DEPTOR: variants seen among roughly 807,000 people sequenced by gnomAD.
The protein encoded by DEPTOR is DEP domain-containing mTOR-interacting protein.
A neutral mutation model predicts 41.6 loss-of-function variants in DEPTOR; 41 were observed. The observed-to-expected ratio is 0.98, with a 90% CI of 0.77 to 1.28. DEPTOR has a LOEUF of 1.28. DEPTOR is among the 50% of genes most tolerant of loss of function. The pLI, the probability that DEPTOR is intolerant of heterozygous loss-of-function variation, is 0.00. For missense variants in DEPTOR, 514 were observed against 527.9 expected (o/e 0.97, Z 0.26); for synonymous variants, 195 against 192.3 (o/e 1.01, Z -0.12).
chr8:119,935,711 A>G (rs1828102808), intron 3 of DEPTOR, among the ~76,000 whole-genome samples: 1 of 150,200 alleles, frequency 6.7e-6, no homozygotes, highest in African/African-American at 2.5e-5. Context: ...GCAGAGCAAG[A>G]CTCCATCTCA....
At chr8:119,942,397 G>A (rs562155593) in intron 3 of DEPTOR, among the ~76,000 whole-genome samples, 1 of 152,274 alleles carries the variant, frequency 6.6e-6, no homozygotes, top group African/African-American at 2.4e-5. Context: ...GTAGAGACGG[G>A]GTTTCGCAGT....
chr8:119,931,045 C>G (rs1828036788), intron 3 of DEPTOR, among the ~76,000 whole-genome samples: 2 of 152,070 alleles, frequency 1.3e-5, no homozygotes, highest in Admixed American at 6.5e-5. Flanking sequence ...AAGCCCGTCT[C>G]CACTAAAAAT....
chr8:120,032,254 T>C (rs1812903448), intron 8 of DEPTOR, among the ~76,000 whole-genome samples: 1 of 142,514 alleles, frequency 7.0e-6, no homozygotes, highest in African/African-American at 2.7e-5. Context: ...AGTCTTGCTC[T>C]GTCACCCAGG....
intron 4 of DEPTOR, among the ~76,000 whole-genome samples, chr8:119,972,292 G>T (rs756209278): frequency 6.6e-6 from 1 of 152,120 alleles, no homozygotes; most frequent in Non-Finnish European, 1.5e-5. Context: ...TGTCAGTTAG[G>T]TATCATAATC....
intron 1 of DEPTOR, among the ~76,000 whole-genome samples, chr8:119,888,365 C>T (rs969197214): frequency 6.6e-6 from 1 of 152,106 alleles, no homozygotes; most frequent in Non-Finnish European, 1.5e-5. Context: ...TCCTCCCCTG[C>T]CTTTAGCTCT....
At chr8:120,010,282 T>G (rs1016679290) in intron 8 of DEPTOR, among the ~76,000 whole-genome samples, 5 of 148,574 alleles carry the variant, frequency 3.4e-5, no homozygotes, top group Non-Finnish European at 7.4e-5. Context: ...TATGGAAGAT[T>G]TTTGAAAATA....
chr8:119,925,671 C>G (rs1009421815), intron 1 of DEPTOR, among the ~76,000 whole-genome samples: 1 of 152,110 alleles, frequency 6.6e-6, no homozygotes. Flanking sequence ...GTTGCCCAGG[C>G]TGGAGTGCAG....
chr8:119,918,529 C>T (rs35006524), intron 1 of DEPTOR, among the ~76,000 whole-genome samples: 75,690 of 151,724 alleles, frequency 0.5, 20,567 homozygotes, highest in East Asian at 0.92. Context: ...GGCACAATCT[C>T]GGCTCACTGC....
rs540139342 is a variant in DEPTOR at position 120,031,294 on chromosome 8, G to A, written c.1102-18282G>A. Among the ~76,000 whole-genome samples the A allele has an allele frequency of 1.4e-4, 22 of 152,102 alleles. No homozygotes were observed. The South Asian group carries it at 4.2e-3, about 29-fold the overall frequency. On this transcript the variant is annotated intron_variant, in intron 8 of 8. Transcript: ENST00000286234. ...CCAGCCTAGGCAACATGGTGAAACC[G>A]TCTCTACTAAAAATTCAAAAATTAG...
intron 8 of DEPTOR, among the ~76,000 whole-genome samples, chr8:120,030,937 G>T (rs575862109): frequency 6.6e-6 from 1 of 152,048 alleles, no homozygotes; most frequent in African/African-American, 2.4e-5. Context: ...GATAATGGGG[G>T]ATACCGTGCC....
intron 3 of DEPTOR, among the ~76,000 whole-genome samples, chr8:119,954,939 A>G (rs1192498045): frequency 6.6e-6 from 1 of 151,856 alleles, no homozygotes; most frequent in Non-Finnish European, 1.5e-5. Flanking sequence ...GCTCACTGGA[A>G]CCTCCGTCTC....
At chr8:119,953,623 T>C (rs1055388128) in intron 3 of DEPTOR, among the ~76,000 whole-genome samples, 39 of 150,580 alleles carry the variant, frequency 2.6e-4, no homozygotes, top group African/African-American at 7.6e-4. Context: ...AGAAATATGA[T>C]TGGACAAAAA....
intron 3 of DEPTOR, among the ~76,000 whole-genome samples, chr8:119,963,871 T>G (rs1018241259): frequency 1.3e-5 from 2 of 152,178 alleles, no homozygotes; most frequent in Non-Finnish European, 2.9e-5. Context: ...TGTAGTCGTC[T>G]TAGTTCAGGC....
chr8:119,918,965 GTA>G (rs1338892044), intron 1 of DEPTOR, among the ~76,000 whole-genome samples: 413 of 86,174 alleles, frequency 4.8e-3, no homozygotes, highest in African/African-American at 0.017. Flanking sequence ...GTGTGTGTGT[GTA>G]TGTGTATGTG....
chr8:119,894,664 A>G (rs10090335), intron 1 of DEPTOR, among the ~76,000 whole-genome samples: 74,752 of 151,280 alleles, frequency 0.49, 20,109 homozygotes, highest in East Asian at 0.92. Context: ...CCAAAGTGCT[A>G]AGATTACAGG....
At chr8:119,957,279 A>C (rs1828429622) in intron 3 of DEPTOR, among the ~76,000 whole-genome samples, 1 of 152,080 alleles carries the variant, frequency 6.6e-6, no homozygotes, top group Non-Finnish European at 1.5e-5. Context: ...CTTTTTGAAA[A>C]CCTACTGTGC....
At chr8:120,001,392 G>A (rs1812348032) in intron 4 of DEPTOR, 133 bp from the exon 5 acceptor site, 1 of 742,990 alleles carries the variant, frequency 1.3e-6, no homozygotes, top group Non-Finnish European at 2.0e-6. Context: ...ATGGGCGGCA[G>A]CTCATGTGGC....
intron 3 of DEPTOR, among the ~76,000 whole-genome samples, chr8:119,950,494 C>T (rs565581656): frequency 2.0e-3 from 300 of 152,322 alleles, no homozygotes; most frequent in Middle Eastern, 6.8e-3. Context: ...CAGCTCACTG[C>T]AGCCTTCACC....
At chr8:120,033,003 A>C (rs887693624) in intron 8 of DEPTOR, among the ~76,000 whole-genome samples, 4 of 151,908 alleles carry the variant, frequency 2.6e-5, no homozygotes, top group Non-Finnish European at 4.4e-5. Context: ...GTAAAAGAGA[A>C]GTGAGGATGG....
Sources: gnomAD v4.1 joint callset for allele counts (sites outside exome capture counted in the v4.1 genomes callset) on GRCh38, gnomAD v4.1.1 for gene constraint, MANE v1.5 for transcripts, NCBI Gene and HGNC (gene_info 2026-07-23, HGNC 2026-07-21) for gene names.